METTL21A: variants seen among roughly 807,000 people sequenced by gnomAD.
The protein encoded by METTL21A is methyltransferase 21A, HSPA lysine.
METTL21A carries 22 observed loss-of-function variants against 20.9 expected under a neutral mutation model. The ratio of observed to expected loss-of-function variants is 1.05; its 90% confidence interval spans 0.75 to 1.50. METTL21A has a LOEUF of 1.50. METTL21A is among the 40% of genes most tolerant of loss of function. METTL21A has a pLI of 0.00. For synonymous variants in METTL21A, 93 were observed against 102.0 expected (o/e 0.91, Z 0.53); for missense variants, 271 against 266.8 (o/e 1.02, Z -0.11).
intron 3 of METTL21A, chr2:207,602,554 A>C (rs1241509787): frequency 4.7e-6 from 1 of 211,046 alleles, no homozygotes; most frequent in East Asian, 7.1e-5. Context: ...AGTGAGAGTA[A>C]ATCTGAGTTA....
intron 3 of METTL21A, among the ~76,000 whole-genome samples, chr2:207,585,014 T>G (rs2083569246): frequency 6.6e-6 from 1 of 151,980 alleles, no homozygotes; most frequent in South Asian, 2.1e-4. Flanking sequence ...CTTACACACG[T>G]CTAGGAGCCT....
chr2:207,584,392 A>C (rs994358734), intron 3 of METTL21A, among the ~76,000 whole-genome samples: 2 of 151,044 alleles, frequency 1.3e-5, no homozygotes, highest in Non-Finnish European at 2.9e-5. Flanking sequence ...TTTAACTTGC[A>C]CTTCACTAGT....
chr2:207,613,733 C>T (rs1400452293), intron 3 of METTL21A, among the ~76,000 whole-genome samples: 1 of 152,202 alleles, frequency 6.6e-6, no homozygotes, highest in Non-Finnish European at 1.5e-5. Context: ...CCTTTAATCC[C>T]AGCACTTTGG....
intron 3 of METTL21A, among the ~76,000 whole-genome samples, chr2:207,592,871 C>T (rs2085331561): frequency 7.6e-6 from 1 of 131,692 alleles, no homozygotes; most frequent in Non-Finnish European, 1.6e-5. Flanking sequence ...CCAGATTGCA[C>T]CACTGCACTC....
chr2:207,606,166 A>G (rs1041787571), downstream of METTL21A, among the ~76,000 whole-genome samples: 1 of 152,214 alleles, frequency 6.6e-6, no homozygotes, highest in Non-Finnish European at 1.5e-5. Flanking sequence ...TAGAGCAGAA[A>G]GCTAACAATT....
At chr2:207,612,502 G>A (rs571791877), downstream of METTL21A, 7 of 151,996 alleles carry the variant, frequency 4.6e-5, no homozygotes, top group African/African-American at 1.7e-4. Context: ...AGCATGATAT[G>A]AGACCCAAAA....
At chr2:207,595,960 T>C (rs1336436727) in intron 3 of METTL21A, among the ~76,000 whole-genome samples, 1 of 152,230 alleles carries the variant, frequency 6.6e-6, no homozygotes, top group African/African-American at 2.4e-5. Flanking sequence ...TGTCTTTCGA[T>C]GTGCAGAAGT....
At chr2:207,588,069 GTTATT>G (rs1239898101) in intron 3 of METTL21A, among the ~76,000 whole-genome samples, 1 of 152,112 alleles carries the variant, frequency 6.6e-6, no homozygotes, top group Non-Finnish European at 1.5e-5. Flanking sequence ...AATGTCTACA[GTTATT>G]TTATGTCAAC....
chr2:207,591,448 A>G (rs2085008217), intron 3 of METTL21A, among the ~76,000 whole-genome samples: 1 of 152,134 alleles, frequency 6.6e-6, no homozygotes, highest in Admixed American at 6.6e-5. Context: ...GTTTGTTGAG[A>G]CAGAATCTTG....
At chr2:207,604,473 G>A (rs2087715244), downstream of METTL21A, among the ~76,000 whole-genome samples, 11 of 94,786 alleles carry the variant, frequency 1.2e-4, no homozygotes, top group Admixed American at 1.4e-3. Flanking sequence ...TTAACTGTGC[G>A]TCCTAATTTC....
At chr2:207,594,672 A>G (rs943454827) in intron 3 of METTL21A, among the ~76,000 whole-genome samples, 6 of 152,200 alleles carry the variant, frequency 3.9e-5, no homozygotes, top group Non-Finnish European at 7.3e-5. Context: ...TAATGCTGCA[A>G]TGAACATGAG....
intron 3 of METTL21A, among the ~76,000 whole-genome samples, chr2:207,619,540 G>A (rs1341478085): frequency 6.6e-6 from 1 of 152,066 alleles, no homozygotes; most frequent in Non-Finnish European, 1.5e-5. Flanking sequence ...GCAGAGAAAT[G>A]CTTATGACAT....
At chr2:207,601,695 G>A (rs953844184) in intron 3 of METTL21A, 7 of 213,802 alleles carry the variant, frequency 3.3e-5, no homozygotes, top group African/African-American at 1.6e-4. Flanking sequence ...GTAATATACT[G>A]AAATATGTTC....
chr2:207,580,859 A>G, downstream of METTL21A: 1 of 219,720 alleles, frequency 4.6e-6, no homozygotes, highest in Non-Finnish European at 9.1e-6. Context: ...GGCTAGATAG[A>G]GCAGCACGTC....
At chr2:207,614,857 T>C (rs1276800768) in intron 3 of METTL21A, among the ~76,000 whole-genome samples, 6 of 152,256 alleles carry the variant, frequency 3.9e-5, no homozygotes, top group African/African-American at 1.4e-4. Flanking sequence ...TTTAAAATTA[T>C]GTTTCAATCT....
At chr2:207,605,318 TG>T (rs2087905358), downstream of METTL21A, among the ~76,000 whole-genome samples, 3 of 152,222 alleles carry the variant, frequency 2.0e-5, no homozygotes, top group Admixed American at 2.0e-4. Flanking sequence ...ACTAATGATG[TG>T]GAGCATCTTT....
At chr2:207,589,298 T>G (rs2084511280) in intron 3 of METTL21A, among the ~76,000 whole-genome samples, 1 of 152,204 alleles carries the variant, frequency 6.6e-6, no homozygotes, top group African/African-American at 2.4e-5. Context: ...CCACCCACAT[T>G]TTTTGCCTCA....
chr2:207,609,615 C>T (rs1045251421), downstream of METTL21A: 3 of 152,134 alleles, frequency 2.0e-5, no homozygotes, highest in Non-Finnish European at 4.4e-5. Flanking sequence ...GGAAGCTAAC[C>T]TCTCAGGCAG....
chr2:207,584,055 C>T (rs1217943651), intron 3 of METTL21A, among the ~76,000 whole-genome samples: 1 of 152,126 alleles, frequency 6.6e-6, no homozygotes, highest in African/African-American at 2.4e-5. Flanking sequence ...ATATACTGTG[C>T]TTTGTTTATT....
Sources: allele counts gnomAD v4.1 joint callset (sites outside exome capture counted in the v4.1 genomes callset), GRCh38; gene constraint gnomAD v4.1.1; transcripts MANE v1.5; gene names NCBI Gene and HGNC (gene_info 2026-07-23, HGNC 2026-07-21).